Variants in QTMAN observed in about 807,000 individuals in gnomAD.
QTMAN encodes queuosine-tRNA mannosyltransferase, also known as tRNA-queuosine alpha-mannosyltransferase.
the QTMAN span, among the ~76,000 whole-genome samples, chr2:144,275,632 C>T: frequency 6.6e-6 from 1 of 152,150 alleles, no homozygotes; most frequent in African/African-American, 2.4e-5. Flanking sequence ...TATGAAACAG[C>T]ACAAATACCA....
the QTMAN span, among the ~76,000 whole-genome samples, chr2:144,181,628 T>C: frequency 6.6e-6 from 1 of 151,992 alleles, no homozygotes; most frequent in South Asian, 2.1e-4. Context: ...CTGGGCAACA[T>C]GGTGAAACTT....
the QTMAN span, among the ~76,000 whole-genome samples, chr2:144,246,377 T>A: frequency 6.6e-6 from 1 of 150,636 alleles, no homozygotes; most frequent in Non-Finnish European, 1.5e-5. Flanking sequence ...ATCGAGACCA[T>A]CCTGGCTAAC....
chr2:143,953,145 A>G, the QTMAN span, among the ~76,000 whole-genome samples: 1 of 151,862 alleles, frequency 6.6e-6, no homozygotes, highest in South Asian at 2.1e-4. Flanking sequence ...ATCAGCAGAT[A>G]AACACATGTA....
the QTMAN span, among the ~76,000 whole-genome samples, chr2:144,026,917 T>C: frequency 6.6e-6 from 1 of 152,204 alleles, no homozygotes; most frequent in African/African-American, 2.4e-5. Flanking sequence ...TGTATCAGCA[T>C]AGTATTCCAG....
chr2:144,324,707 T>C, the QTMAN span, among the ~76,000 whole-genome samples: 2 of 152,122 alleles, frequency 1.3e-5, no homozygotes, highest in Non-Finnish European at 2.9e-5. Context: ...TCACCTTGTA[T>C]CTTAAAGACC....
the QTMAN span, among the ~76,000 whole-genome samples, chr2:144,243,919 C>T: frequency 6.6e-6 from 1 of 152,170 alleles, no homozygotes; most frequent in Non-Finnish European, 1.5e-5. Context: ...TTCACATGCA[C>T]TTGGATCTAT....
the QTMAN span, among the ~76,000 whole-genome samples, chr2:144,213,344 T>C: frequency 1.3e-5 from 2 of 152,184 alleles, no homozygotes; most frequent in Non-Finnish European, 2.9e-5. Flanking sequence ...TTTAACAGTA[T>C]AGATATTAAA....
the QTMAN span, among the ~76,000 whole-genome samples, chr2:144,118,128 G>A: frequency 6.6e-6 from 1 of 152,148 alleles, no homozygotes; most frequent in Non-Finnish European, 1.5e-5. Flanking sequence ...TTACAAGCAT[G>A]AGCCACCGTG....
At chr2:144,029,917 AGT>A in the QTMAN span, among the ~76,000 whole-genome samples, 1 of 151,812 alleles carries the variant, frequency 6.6e-6, no homozygotes, top group African/African-American at 2.4e-5. Flanking sequence ...CGTGAGTGTG[AGT>A]GTGTGTGTAC....
At chr2:144,029,223 C>G in the QTMAN span, among the ~76,000 whole-genome samples, 2 of 152,106 alleles carry the variant, frequency 1.3e-5, no homozygotes, top group Non-Finnish European at 2.9e-5. Flanking sequence ...ACTAACTTCC[C>G]CAGAAAGACA....
chr2:144,060,993 AT>A, the QTMAN span, among the ~76,000 whole-genome samples: 25 of 149,792 alleles, frequency 1.7e-4, no homozygotes, highest in Admixed American at 6.7e-4. Context: ...TCATCATATA[AT>A]TTTTTTTTTA....
the QTMAN span, among the ~76,000 whole-genome samples, chr2:143,976,487 G>A: frequency 3.3e-5 from 5 of 152,062 alleles, no homozygotes; most frequent in Non-Finnish European, 7.4e-5. Flanking sequence ...TCAAAAACAT[G>A]AGGCTTCTAT....
At chr2:144,001,786 A>G in the QTMAN span, among the ~76,000 whole-genome samples, 1 of 151,826 alleles carries the variant, frequency 6.6e-6, no homozygotes, top group Non-Finnish European at 1.5e-5. Flanking sequence ...TGACTTATAT[A>G]AGATAAACAC....
At chr2:143,993,470 C>T in the QTMAN span, among the ~76,000 whole-genome samples, 1 of 151,498 alleles carries the variant, frequency 6.6e-6, no homozygotes, top group Middle Eastern at 3.4e-3. Flanking sequence ...AGATTATCTT[C>T]GAACATCTGG....
chr2:144,164,992 G>T, the QTMAN span, among the ~76,000 whole-genome samples: 1 of 151,966 alleles, frequency 6.6e-6, no homozygotes, highest in Non-Finnish European at 1.5e-5. Flanking sequence ...TAAATTTTTT[G>T]GAAAAACACA....
chr2:143,974,981 T>C, the QTMAN span, among the ~76,000 whole-genome samples: 6 of 152,198 alleles, frequency 3.9e-5, no homozygotes, highest in Non-Finnish European at 7.4e-5. Context: ...CAAATTTCCA[T>C]ACTCTTGAGT....
chr2:144,228,035 C>T, the QTMAN span, among the ~76,000 whole-genome samples: 4 of 152,260 alleles, frequency 2.6e-5, no homozygotes, highest in South Asian at 8.3e-4. Context: ...TGAGCTCTCC[C>T]TTTGTTCTTC....
chr2:144,248,577 C>T, the QTMAN span, among the ~76,000 whole-genome samples: 2 of 152,146 alleles, frequency 1.3e-5, no homozygotes, highest in Non-Finnish European at 2.9e-5. Flanking sequence ...TGCTTTGTAT[C>T]GCAGGTAACT....
the QTMAN span, among the ~76,000 whole-genome samples, chr2:144,063,492 T>TA: frequency 2.6e-5 from 4 of 152,214 alleles, no homozygotes; most frequent in Non-Finnish European, 5.9e-5. Context: ...AAACATGGAT[T>TA]AATAAAGTTC....
Sources: gnomAD v4.1 joint callset for allele counts (sites outside exome capture counted in the v4.1 genomes callset) on GRCh38, gnomAD v4.1.1 for gene constraint, MANE v1.5 for transcripts, NCBI Gene and HGNC (gene_info 2026-07-23, HGNC 2026-07-21) for gene names.